The following ST3GAL6 variants were observed in gnomAD, a reference collection of about 807,000 sequenced individuals.
The protein encoded by ST3GAL6 is type 2 lactosamine alpha-2,3-sialyltransferase.
Under a neutral mutation model 40.5 loss-of-function variants are expected in ST3GAL6, and 31 were observed. The observed-to-expected ratio is 0.77, with a 90% CI of 0.58 to 1.03. ST3GAL6 has a LOEUF of 1.03. Ranked by LOEUF, ST3GAL6 falls within the 50% of genes least tolerant of loss-of-function variation. The pLI, the probability that ST3GAL6 is intolerant of heterozygous loss-of-function variation, is 0.00. For missense variants in ST3GAL6, 357 were observed against 393.2 expected (o/e 0.91, Z 0.78); for synonymous variants, 129 against 136.9 (o/e 0.94, Z 0.40).
intron 8 of ST3GAL6, among the ~76,000 whole-genome samples, 166 bp downstream of exon 8, chr3:98,788,629 T>G (rs1023437135): frequency 1.3e-5 from 2 of 151,916 alleles, no homozygotes; most frequent in Admixed American, 1.3e-4. Context: ...TATCTTTATG[T>G]TTTTCATTTA....
In ST3GAL6 at chr3:98,770,947, C is replaced by T; in HGVS notation, c.158C>T (p.Ser53Phe). Residue 53 changes from serine (S) to phenylalanine (F), a missense_variant, in exon 3 of 10, where the codon TCT (serine) becomes TTT (phenylalanine). Transcript: ENST00000483910. The stretch of plus-strand genomic sequence containing the variant: ...TGTTTATCAAAGCCAGCTTTTGCCT[C>T]TCTGCTGAGGTAAAAATATACCAGA... ...QPCLSKPAFA[S>F]LLRFHQFHPF... 1 of 1,614,014 alleles carries T rather than the reference C, an allele frequency of 6.2e-7. No individual in the cohort carries two copies. Among genetic ancestry groups the T allele is most frequent in the Non-Finnish European group, 8.5e-7 (1 of 1,179,950 alleles).
At chr3:98,780,093 C>T (rs1178221900) in intron 5 of ST3GAL6, among the ~76,000 whole-genome samples, 1 of 152,196 alleles carries the variant, frequency 6.6e-6, no homozygotes, top group African/African-American at 2.4e-5. Flanking sequence ...AAGCCAGAAT[C>T]ACAAGCCAAA....
chr3:98,785,084 A>G, intron 6 of ST3GAL6, 44 bp downstream of exon 6: 2 of 1,422,554 alleles, frequency 1.4e-6, no homozygotes, highest in Middle Eastern at 1.8e-4. Flanking sequence ...GTTTCAAAAG[A>G]ATATGGTTTC....
chr3:98,762,462 T>G (rs1937894127), upstream of ST3GAL6, among the ~76,000 whole-genome samples: 1 of 152,220 alleles, frequency 6.6e-6, no homozygotes, highest in Admixed American at 6.5e-5. Context: ...TATTGTATGT[T>G]TAAAAAATCT....
chr3:98,743,819 A>C (rs1023027173), intron 1 of ST3GAL6, among the ~76,000 whole-genome samples: 1 of 151,960 alleles, frequency 6.6e-6, no homozygotes, highest in East Asian at 1.9e-4. Flanking sequence ...ATTCTGAATG[A>C]CCTAGGATAT....
chr3:98,767,087 T>C (rs1938435403), intron 1 of ST3GAL6, among the ~76,000 whole-genome samples: 1 of 152,220 alleles, frequency 6.6e-6, no homozygotes, highest in Non-Finnish European at 1.5e-5. Flanking sequence ...CTAACTAATT[T>C]AGAATAGTGG....
chr3:98,769,227 TACTTGATGAAAAAAAGCTG>T (rs1310329154), intron 2 of ST3GAL6, among the ~76,000 whole-genome samples: 1 of 152,256 alleles, frequency 6.6e-6, no homozygotes, highest in African/African-American at 2.4e-5. Context: ...AACTTGTGCT[TACTTGATGAAAAAAAGCTG>T]ATGCTTCTGC....
intron 5 of ST3GAL6, among the ~76,000 whole-genome samples, chr3:98,774,226 A>C (rs1028922704): frequency 6.6e-6 from 1 of 152,228 alleles, no homozygotes; most frequent in Admixed American, 6.5e-5. Flanking sequence ...CCAAATCAGG[A>C]CATTTTTAAC....
chr3:98,762,277 T>C (rs999601780), upstream of ST3GAL6, among the ~76,000 whole-genome samples: 6 of 152,200 alleles, frequency 3.9e-5, no homozygotes, highest in African/African-American at 1.4e-4. Flanking sequence ...TAGAAATCAG[T>C]CAAAATGTAT....
chr3:98,764,518 G>A (rs964737738), intron 1 of ST3GAL6, among the ~76,000 whole-genome samples: 5 of 152,218 alleles, frequency 3.3e-5, no homozygotes, highest in African/African-American at 1.2e-4. Context: ...GAGCTTGCAG[G>A]ATTGCTTAAG....
intron 9 of ST3GAL6, among the ~76,000 whole-genome samples, chr3:98,792,512 A>ATTT (rs35917234): frequency 4.3e-5 from 6 of 138,782 alleles, no homozygotes; most frequent in Middle Eastern, 3.6e-3. Flanking sequence ...TTTAGTTTAA[A>ATTT]TTTTTTTTTT....
At chr3:98,773,276 A>G (rs1939187104) in intron 4 of ST3GAL6, 1 of 158,590 alleles carries the variant, frequency 6.3e-6, no homozygotes, top group South Asian at 2.0e-4. Context: ...GCTTCTTTTT[A>G]CCTGTGAGTT....
intron 1 of ST3GAL6, among the ~76,000 whole-genome samples, chr3:98,752,372 A>G (rs1377502311): frequency 1.3e-5 from 2 of 151,956 alleles, no homozygotes; most frequent in Non-Finnish European, 2.9e-5. Flanking sequence ...TAATCTTAAT[A>G]TTTCAGATTT....
intron 8 of ST3GAL6, 85 bp downstream of exon 8, chr3:98,788,548 G>T (rs1940949114): frequency 1.6e-6 from 2 of 1,269,800 alleles, no homozygotes; most frequent in South Asian, 1.8e-5. Flanking sequence ...GAAACTGTAT[G>T]AGAACCACAG....
intron 8 of ST3GAL6, among the ~76,000 whole-genome samples, chr3:98,789,006 G>T (rs1415708211): frequency 6.6e-6 from 1 of 152,228 alleles, no homozygotes. Flanking sequence ...AATATTGAAA[G>T]AGTTCTTGAA....
At chr3:98,781,665 C>T (rs901649265) in intron 5 of ST3GAL6, among the ~76,000 whole-genome samples, 3 of 152,048 alleles carry the variant, frequency 2.0e-5, no homozygotes, top group South Asian at 2.1e-4. Flanking sequence ...GAACTCCAGG[C>T]CAGGATGGAT....
rs572885049 is a variant in ST3GAL6, at chr3:98,794,589, A to G, written c.*828A>G. 2 of 152,192 alleles carry G rather than the reference A, an allele frequency of 1.3e-5. No individual in the cohort carries two copies. Among genetic ancestry groups the G allele is most frequent in the East Asian group, 1.9e-4 (1 of 5,154 alleles). The allele number at this position is 152,192 out of a possible 1,614,324, so 9.4% of individuals were successfully genotyped here. ...AAAGAAGATAACAGAACAAGTAAACACTTAAGAAAAGTCAAGCTGAGGCCG... is the reference window on the plus strand; with the variant it reads ...AAAGAAGATAACAGAACAAGTAAACGCTTAAGAAAAGTCAAGCTGAGGCCG... On this transcript the variant is annotated 3_prime_UTR_variant, in exon 10 of 10. Transcript: ENST00000483910.
In ST3GAL6 at chr3:98,784,982, G is replaced by A. The variant is rs1459209945; in HGVS notation, c.373G>A (p.Gly125Arg). The A allele has an allele frequency of 6.2e-7, 1 of 1,612,944 alleles. No individual in the cohort carries two copies. Among genetic ancestry groups the A allele is most frequent in the African/African-American group, 1.3e-5 (1 of 74,968 alleles). The stretch of plus-strand genomic sequence containing the variant: ...AAAGTGTGTGGTGGTTGGTAATGGA[G>A]GAGTTTTGAAGAATAAGACATTAGG... ...CKKCVVVGNG[G>R]VLKNKTLGEK... Residue 125 changes from glycine to arginine, a missense_variant, in exon 6 of 10, where the codon GGA becomes AGA. Coordinates refer to ENST00000483910, the MANE Select transcript of ST3GAL6 (RefSeq NM_001323368.2).
chr3:98,777,612 C>T (rs1939678947), intron 5 of ST3GAL6, among the ~76,000 whole-genome samples: 1 of 152,214 alleles, frequency 6.6e-6, no homozygotes, highest in Non-Finnish European at 1.5e-5. Context: ...GAACAAATAG[C>T]TGTCTTTACC....
Sources: gnomAD v4.1 joint callset for allele counts (sites outside exome capture counted in the v4.1 genomes callset) on GRCh38, gnomAD v4.1.1 for gene constraint, MANE v1.5 for transcripts, NCBI Gene and HGNC (gene_info 2026-07-23, HGNC 2026-07-21) for gene names.